THRB: variants seen among roughly 807,000 people sequenced by gnomAD.
THRB encodes the protein nuclear receptor subfamily 1 group A member 2.
In THRB, 12 loss-of-function variants were observed where a neutral mutation model predicts 47.8. The ratio of observed to expected loss-of-function variants is 0.25; its 90% CI spans 0.16 to 0.41. THRB has a LOEUF of 0.41. THRB is among the 10% of genes least tolerant of loss of function. THRB has a pLI of 1.00. For missense variants in THRB, 348 were observed against 589.2 expected, an observed-to-expected ratio of 0.59 and a Z score of 4.24; for synonymous variants, 218 against 212.2, an observed-to-expected ratio of 1.03 and a Z score of -0.24.
At chr3:24,369,368 C>G (rs1051174215) in intron 1 of THRB, among the ~76,000 whole-genome samples, 3 of 152,118 alleles carry the variant, frequency 2.0e-5, no homozygotes, top group Non-Finnish European at 4.4e-5. Flanking sequence ...CAACACATCC[C>G]AGGCTCTCAG....
At chr3:24,261,370 G>T (rs923625180) in intron 3 of THRB, among the ~76,000 whole-genome samples, 3 of 151,654 alleles carry the variant, frequency 2.0e-5, no homozygotes, top group African/African-American at 7.3e-5. Flanking sequence ...GTGGTGGCAC[G>T]CACCTGTAAT....
chr3:24,275,096 T>C (rs182467476), intron 3 of THRB, among the ~76,000 whole-genome samples: 173 of 152,330 alleles, frequency 1.1e-3, no homozygotes, highest in African/African-American at 4.0e-3. Flanking sequence ...ACAGGAACTT[T>C]GTATCTTGGG....
chr3:24,143,617 T>C lies in THRB; in HGVS notation c.622A>G (p.Ile208Val). The change falls in exon 8 of 11, where the codon ATC (isoleucine) becomes GTC (valine). Residue 208 changes from isoleucine to valine, a missense_variant. Transcript: ENST00000646209. ...TCTGTGGGCTCTGGCTTGTGCCCGA[T>C]GGACTTCTGCAGCTCTTCCCGCCGT... The part of the protein sequence containing the change: ...KRRREELQKS[I>V]GHKPEPTDEE... 1.2e-6 allele frequency: 2 copies of C among 1,614,216 alleles called. No homozygotes were observed. Among genetic ancestry groups the C allele is most frequent in the Non-Finnish European group, 1.7e-6 (2 of 1,180,026 alleles).
chr3:24,134,984 C>G (rs1396559722), intron 8 of THRB, among the ~76,000 whole-genome samples: 1 of 152,208 alleles, frequency 6.6e-6, no homozygotes, highest in Non-Finnish European at 1.5e-5. Context: ...CCAAACTTCA[C>G]TGTGCGTCAG....
intron 1 of THRB, among the ~76,000 whole-genome samples, chr3:24,481,236 T>G (rs990696451): frequency 2.2e-4 from 31 of 139,262 alleles, no homozygotes; most frequent in Middle Eastern, 3.7e-3. Context: ...TCTGTTTTTT[T>G]TTTTTTTTTT....
intron 5 of THRB, among the ~76,000 whole-genome samples, chr3:24,182,594 T>C (rs1241020320): frequency 1.3e-5 from 2 of 152,344 alleles, no homozygotes; most frequent in African/African-American, 2.4e-5. Flanking sequence ...TCTCATAGTC[T>C]TTCTGGCTCA....
chr3:24,270,342 T>C (rs2053191530), intron 3 of THRB, among the ~76,000 whole-genome samples: 1 of 152,202 alleles, frequency 6.6e-6, no homozygotes, highest in Non-Finnish European at 1.5e-5. Context: ...TAAACTACCA[T>C]GAATTGCTCA....
At chr3:24,393,072 T>C (rs1316886383) in intron 1 of THRB, among the ~76,000 whole-genome samples, 1 of 152,150 alleles carries the variant, frequency 6.6e-6, no homozygotes, top group Admixed American at 6.6e-5. Flanking sequence ...TGAGTTTTTT[T>C]CTGTGGAAAA....
At chr3:24,214,173 T>C (rs2046336705) in intron 4 of THRB, among the ~76,000 whole-genome samples, 1 of 152,200 alleles carries the variant, frequency 6.6e-6, no homozygotes, top group Non-Finnish European at 1.5e-5. Flanking sequence ...GAGGTGGATG[T>C]GACAAAGCCT....
chr3:24,230,936 C>G (rs2048200831), intron 3 of THRB, among the ~76,000 whole-genome samples: 1 of 152,162 alleles, frequency 6.6e-6, no homozygotes, highest in Non-Finnish European at 1.5e-5. Flanking sequence ...TATCTCTCAG[C>G]CACCTGGAAA....
At chr3:24,160,467 C>T (rs113784094) in intron 5 of THRB, among the ~76,000 whole-genome samples, 140 of 152,118 alleles carry the variant, frequency 9.2e-4, no homozygotes, top group African/African-American at 3.1e-3. Flanking sequence ...GAGGTATCTG[C>T]GGATAAGGAA....
chr3:24,256,828 G>C (rs2051338330), intron 3 of THRB, among the ~76,000 whole-genome samples: 1 of 152,208 alleles, frequency 6.6e-6, no homozygotes, highest in African/African-American at 2.4e-5. Context: ...TATGGAAGAT[G>C]AAGTCTGAAA....
At chr3:24,256,398 C>G (rs1187620371) in intron 3 of THRB, among the ~76,000 whole-genome samples, 1 of 152,070 alleles carries the variant, frequency 6.6e-6, no homozygotes. Flanking sequence ...GGAAGCCAAA[C>G]TTTCAGAAGT....
intron 1 of THRB, chr3:24,458,759 A>G (rs1027595283): frequency 6.6e-5 from 10 of 152,186 alleles, no homozygotes; most frequent in Non-Finnish European, 1.5e-4. Context: ...CTATTCGAAA[A>G]GAAGAACCGA....
At chr3:24,388,644 T>C (rs2066319109) in intron 1 of THRB, among the ~76,000 whole-genome samples, 1 of 152,136 alleles carries the variant, frequency 6.6e-6, no homozygotes. Context: ...TGAGGGATAG[T>C]GTTCCATCTT....
chr3:24,184,658 T>C (rs1168208327), intron 5 of THRB, among the ~76,000 whole-genome samples: 2 of 152,142 alleles, frequency 1.3e-5, no homozygotes, highest in Non-Finnish European at 2.9e-5. Flanking sequence ...ATCTGACATA[T>C]GCCCACAGTG....
At chr3:24,317,532 A>G (rs1353139273) in intron 2 of THRB, among the ~76,000 whole-genome samples, 3 of 152,152 alleles carry the variant, frequency 2.0e-5, no homozygotes, top group African/African-American at 4.8e-5. Context: ...AACATTACTC[A>G]ATCCCATAAG....
At chr3:24,193,797 T>C (rs966045616) in intron 4 of THRB, among the ~76,000 whole-genome samples, 5 of 151,790 alleles carry the variant, frequency 3.3e-5, no homozygotes, top group Non-Finnish European at 7.4e-5. Context: ...AAGAAGTCAT[T>C]ATATGAAAAA....
chr3:24,381,426 G>C (rs1051882473), intron 1 of THRB, among the ~76,000 whole-genome samples: 1 of 152,148 alleles, frequency 6.6e-6, no homozygotes, highest in Non-Finnish European at 1.5e-5. Context: ...TAGGCAGTTA[G>C]AGAATAAGCT....
Sources: allele counts gnomAD v4.1 joint callset (sites outside exome capture counted in the v4.1 genomes callset), GRCh38; gene constraint gnomAD v4.1.1; transcripts MANE v1.5; gene names NCBI Gene and HGNC (gene_info 2026-07-23, HGNC 2026-07-21).